The following LZTR1 variants were observed in gnomAD, a reference collection of about 807,000 sequenced individuals.
LZTR1 encodes leucine zipper like post translational regulator 1, also known as leucine-zipper-like transcriptional regulator 1.
A neutral mutation model predicts 105.7 loss-of-function variants in LZTR1; 260 were observed. That is an observed-to-expected ratio of 2.46 (90% CI 2.22 to 2.72). The LOEUF (loss-of-function observed/expected upper bound fraction) is 2.72, where lower values mean the gene tolerates loss of function less well. Among genes scored for constraint, LZTR1 ranks in the 30% most tolerant of loss-of-function variants. The probability of loss-of-function intolerance (pLI) is 0.00; values close to 1 mark genes in which losing one functional copy is unlikely to be tolerated. For synonymous variants in LZTR1, 490 were observed against 476.4 expected, an observed-to-expected ratio of 1.03 and a Z score of -0.37; for missense variants, 1,214 against 1,166.9, an observed-to-expected ratio of 1.04 and a Z score of -0.59.
chr22:20,982,643 C>T, intron 1 of LZTR1, 72 bp downstream of exon 1: 2 of 1,468,574 alleles, frequency 1.4e-6, no homozygotes, highest in African/African-American at 1.4e-5. Flanking sequence ...GGTCCAGGGG[C>T]GAAGCCGGGG....
rs762631359 is a variant in LZTR1 at position 20,997,372 on chromosome 22, T to TG, written c.*25dup. On this transcript the variant is annotated 3_prime_UTR_variant, in exon 21 of 21. Transcript: ENST00000646124. ...GAGGCCCTGTGGCGCCTGCCCATTGTGAAGAATCGCCGTGCCTGCCTGCCC... is the reference window on the plus strand; with the variant it reads ...GAGGCCCTGTGGCGCCTGCCCATTGTGGAAGAATCGCCGTGCCTGCCTGCCC... The TG allele has an allele frequency of 9.0e-6, 14 of 1,553,146 alleles. No homozygotes were observed. The South Asian group carries it at 1.0e-4, about 11-fold the overall frequency.
At chr22:20,987,440 C>A in intron 3 of LZTR1, 64 bp from the exon 4 acceptor site, 1 of 918,208 alleles carries the variant, frequency 1.1e-6, no homozygotes, top group Non-Finnish European at 1.8e-6. Flanking sequence ...CAGGGCCACC[C>A]TGTGGGGGTG....
intron 20 of LZTR1, 23 bp from the exon 21 acceptor site, chr22:20,997,209 C>T: frequency 6.5e-7 from 1 of 1,531,178 alleles, no homozygotes; most frequent in East Asian, 2.2e-5. Context: ...GTCCCATCTC[C>T]TTCCGGCCTG....
At chr22:20,996,391 C>T in intron 18 of LZTR1, 1 of 594,132 alleles carries the variant, frequency 1.7e-6, no homozygotes, top group Non-Finnish European at 3.0e-6. Context: ...CAGTTGAGCA[C>T]AGACATGGAG....
chr22:20,988,109 T>C lies in LZTR1; in HGVS notation c.500T>C (p.Ile167Thr). The C allele has an allele frequency of 1.9e-6, 3 of 1,607,324 alleles. No individual in the cohort carries two copies. The highest frequency in any genetic ancestry group is 2.2e-5 in the South Asian group (2 of 90,880). Residue 167 changes from isoleucine (I) to threonine (T), a missense_variant, in exon 5 of 21, where the codon ATT becomes ACT. Transcript: ENST00000646124. ...FATGQWTEWK[I>T]EGRLPVARSA... Reference sequence around the variant, plus strand: ...ACTGGCCAGTGGACGGAGTGGAAAATTGAAGGACGGTGAGAAACTTTGCAG... The same window carrying C: ...ACTGGCCAGTGGACGGAGTGGAAAACTGAAGGACGGTGAGAAACTTTGCAG...
chr22:20,996,801 G>T lies in LZTR1; in HGVS notation c.2325G>T (p.Gln775His), dbSNP rs377557832. ...EMNVTVQNVL[Q>H]ILEAADKTQA... Reference sequence around the variant, plus strand: ...ACGTGACGGTGCAGAACGTGCTGCAGGTAGCCCCCCAGCCCCGTGCACATG... The same window carrying T: ...ACGTGACGGTGCAGAACGTGCTGCATGTAGCCCCCCAGCCCCGTGCACATG... The change falls in exon 19 of 21, where the codon CAG becomes CAT. Residue 775 changes from glutamine (Q) to histidine (H), a missense_variant and splice_region_variant. Transcript: ENST00000646124. 6 of 1,613,494 alleles carry T rather than the reference G, an allele frequency of 3.7e-6. No homozygotes were observed. Among genetic ancestry groups the T allele is most frequent in the Non-Finnish European group, 5.1e-6 (6 of 1,179,966 alleles).
chr22:20,992,793 G>C lies in LZTR1; in HGVS notation c.1150-1G>C. ...TTCCACCCTGCCTTCTTGTCCCCCA[G>C]CTGCCCAGTGGGAGGCTCTTCCACG... On this transcript the variant is annotated splice_acceptor_variant, in intron 10 of 20. Transcript: ENST00000646124. LOFTEE classifies it high-confidence loss of function. 1 of 1,579,646 alleles carries C rather than the reference G, an allele frequency of 6.3e-7. No individual in the cohort carries two copies. Among genetic ancestry groups the C allele is most frequent in the Non-Finnish European group, 8.6e-7 (1 of 1,158,916 alleles).
At chr22:20,984,622 G>GGC (rs1555927167) in intron 2 of LZTR1, among the ~76,000 whole-genome samples, 14 of 132,732 alleles carry the variant, frequency 1.1e-4, no homozygotes, top group Non-Finnish European at 1.4e-4. Context: ...GAGGGGGGGG[G>GGC]GGCGGTATCA....
At chr22:20,993,595 C>T (rs762882925) in intron 11 of LZTR1, 67 bp from the exon 12 acceptor site, 1 of 1,401,808 alleles carries the variant, frequency 7.1e-7, no homozygotes, top group Non-Finnish European at 1.0e-6. Context: ...TCAGGGTCGG[C>T]CTGCACAGCC....
rs775028367 is a variant in LZTR1 at position 20,988,812 on chromosome 22, A to G, written c.533A>G (p.His178Arg). 5.0e-6 allele frequency: 8 copies of G among 1,613,944 alleles called. No homozygotes were observed. Among genetic ancestry groups the G allele is most frequent in the East Asian group, 2.2e-5 (1 of 44,880 alleles). Residue 178 changes from histidine to arginine, a missense_variant, in exon 6 of 21, where the codon CAT becomes CGT. Coordinates refer to ENST00000646124, the MANE Select transcript of LZTR1 (RefSeq NM_006767.4). ...AGGTTGCCAGTCGCTAGGTCAGCCC[A>G]TGGGGCCACGGTGTACAGTGACAAG... ...EGRLPVARSA[H>R]GATVYSDKLW...
chr22:20,991,555 C>A, intron 8 of LZTR1, 73 bp from the exon 9 acceptor site: 1 of 1,223,968 alleles, frequency 8.2e-7, no homozygotes, highest in Non-Finnish European at 1.1e-6. Flanking sequence ...CCAGTGAAGG[C>A]CTGCTGTGGG....
Position 20,991,830 on chromosome 22 carries a change from G to C in LZTR1, c.993+1G>C. The C allele has an allele frequency of 1.9e-6, 3 of 1,548,388 alleles. No homozygotes were observed. Among genetic ancestry groups the C allele is most frequent in the Non-Finnish European group, 2.6e-6 (3 of 1,146,106 alleles). On this transcript the variant is annotated splice_donor_variant, in intron 9 of 20. Coordinates refer to ENST00000646124, the MANE Select transcript of LZTR1 (RefSeq NM_006767.4). LOFTEE classifies it high-confidence loss of function. ...CGTCCAGCCCAGCTCCGACAGCGAG[G>C]TGAGGGTGCCCAGGGGTGTCCTGAC... is the stretch of plus-strand genomic sequence containing the variant.
chr22:20,992,189 A>G lies in LZTR1; in HGVS notation c.994-25A>G, dbSNP rs1381586783. 6 of 1,606,712 alleles carry G rather than the reference A, an allele frequency of 3.7e-6. No homozygotes were observed. In the Admixed American group the frequency reaches 6.7e-5, roughly 18 times the overall value. On this transcript the variant is annotated intron_variant, in intron 9 of 20. Coordinates refer to ENST00000646124, the MANE Select transcript of LZTR1 (RefSeq NM_006767.4). ...TACCTGGCCCTTGCCAACTGGTCTCATGCCCATGTGTCTCCCCTCTTCAGG... is the reference window on the plus strand; with the variant it reads ...TACCTGGCCCTTGCCAACTGGTCTCGTGCCCATGTGTCTCCCCTCTTCAGG...
rs565934541 is a variant in LZTR1 at position 20,997,472 on chromosome 22, G to T, written c.*124G>T. 33 of 746,744 alleles carry T rather than the reference G, an allele frequency of 4.4e-5. 2 individuals are homozygous for T. The South Asian group carries it at 4.5e-4, about 10-fold the overall frequency. 46.3% of individuals were successfully genotyped at this position (746,744 alleles called of 1,614,324 possible). Reference sequence around the variant, plus strand: ...CACCTGCCAGGCCAAGGGTCAGGGTGCCCAGAGCCTCCAAAGAGAGCTGAG... The same window carrying T: ...CACCTGCCAGGCCAAGGGTCAGGGTTCCCAGAGCCTCCAAAGAGAGCTGAG... On this transcript the variant is annotated 3_prime_UTR_variant, in exon 21 of 21. Transcript: ENST00000646124.
rs549102364 is a variant in LZTR1, at chr22:20,988,098, G to A, written c.489G>A (p.Thr163=). Residue 163 remains threonine (T), a synonymous_variant, in exon 5 of 21, where the codon ACG becomes ACA. Coordinates refer to ENST00000646124, the MANE Select transcript of LZTR1 (RefSeq NM_006767.4). ...ACAAGTTTGCAACTGGCCAGTGGACGGAGTGGAAAATTGAAGGACGGTGAG... is the reference window on the plus strand; with the variant it reads ...ACAAGTTTGCAACTGGCCAGTGGACAGAGTGGAAAATTGAAGGACGGTGAG... ...FEYKFATGQW[T]EWKIEGRLPV... The A allele has an allele frequency of 8.7e-6, 14 of 1,610,988 alleles. No homozygotes were observed. The highest frequency in any genetic ancestry group is 4.4e-5 in the South Asian group (4 of 90,994).
intron 18 of LZTR1, 73 bp from the exon 19 acceptor site, chr22:20,996,623 C>A: frequency 7.7e-7 from 1 of 1,293,988 alleles, no homozygotes; most frequent in Non-Finnish European, 1.1e-6. Context: ...TCCAGCTGCG[C>A]CCTTCCCTGT....
Position 20,997,439 on chromosome 22 carries a change from A to C in LZTR1, c.*91A>C. The C allele has an allele frequency of 2.0e-6, 2 of 992,390 alleles. No individual in the cohort carries two copies. Among genetic ancestry groups the C allele is most frequent in the Non-Finnish European group, 3.2e-6 (2 of 631,310 alleles). The allele number at this position is 992,390 out of a possible 1,614,324, so 61.5% of individuals were successfully genotyped here. ...TACCGGCTATGCGCATGCCTATGGC[A>C]GTGGGTGCACCTGCCAGGCCAAGGG... On this transcript the variant is annotated 3_prime_UTR_variant, in exon 21 of 21. Transcript: ENST00000646124.
rs567732604 is a variant in LZTR1, at chr22:20,989,150, G to A, written c.593+278G>A. Among the ~76,000 whole-genome samples the A allele has an allele frequency of 2.0e-5, 3 of 152,366 alleles. No individual in the cohort carries two copies. The East Asian group carries it at 5.8e-4, about 29-fold the overall frequency. The stretch of plus-strand genomic sequence containing the variant: ...TGCGGAGCTGAGTTGGTGGGCGGGT[G>A]GGCGGTGCCCAGGCTCAGGCCCAGC... On this transcript the variant is annotated intron_variant, in intron 6 of 20. Transcript: ENST00000646124.
chr22:20,995,306 G>T (rs141343103), intron 16 of LZTR1: 36 of 660,316 alleles, frequency 5.5e-5, no homozygotes, highest in Non-Finnish European at 9.4e-5. Context: ...AGGATGTCAG[G>T]TCTGATGGCC....
Sources: gnomAD v4.1 joint callset for allele counts (sites outside exome capture counted in the v4.1 genomes callset) on GRCh38, gnomAD v4.1.1 for gene constraint, MANE v1.5 for transcripts, NCBI Gene and HGNC (gene_info 2026-07-23, HGNC 2026-07-21) for gene names.